Variants in CHSY3 observed in about 807,000 individuals in gnomAD.
CHSY3 encodes N-acetylgalactosaminyl-proteoglycan 3-beta-glucuronosyltransferase 3.
Under a neutral mutation model 67.2 loss-of-function variants are expected in CHSY3, and 35 were observed. That is an observed-to-expected ratio of 0.52 (90% CI 0.40 to 0.69). The LOEUF (loss-of-function observed/expected upper bound fraction) is 0.69. Ranked by LOEUF, CHSY3 falls within the 30% of genes least tolerant of loss-of-function variation. CHSY3 has a pLI of 0.00. For synonymous variants in CHSY3, 474 were observed against 434.7 expected (o/e 1.09, Z -1.12); for missense variants, 1,069 against 1,138.5 (o/e 0.94, Z 0.88).
intron 2 of CHSY3, among the ~76,000 whole-genome samples, chr5:130,167,969 C>G (rs75559100): frequency 0.04 from 6,061 of 152,106 alleles, 341 homozygotes; most frequent in East Asian, 0.25. Flanking sequence ...AAAACCAAAC[C>G]TGTGACTCCA....
intron 2 of CHSY3, among the ~76,000 whole-genome samples, chr5:130,054,035 T>C (rs910970278): frequency 1.3e-5 from 2 of 152,194 alleles, no homozygotes; most frequent in Non-Finnish European, 2.9e-5. Context: ...TCCTTATGCT[T>C]TATTTTCTTA....
intron 2 of CHSY3, among the ~76,000 whole-genome samples, chr5:129,913,380 A>G (rs1760631967): frequency 6.6e-6 from 1 of 152,240 alleles, no homozygotes; most frequent in Admixed American, 6.5e-5. Context: ...CATATTTAAA[A>G]TACTTTAATT....
intron 2 of CHSY3, among the ~76,000 whole-genome samples, chr5:130,056,802 A>G (rs1157809466): frequency 1.3e-5 from 2 of 152,228 alleles, no homozygotes; most frequent in South Asian, 4.1e-4. Context: ...TAGGAATAAT[A>G]AGAGTATCTG....
At chr5:130,057,126 A>G (rs931416304) in intron 2 of CHSY3, among the ~76,000 whole-genome samples, 5 of 151,440 alleles carry the variant, frequency 3.3e-5, no homozygotes, top group Non-Finnish European at 4.4e-5. Flanking sequence ...GGGTTTCACC[A>G]TGTTAGCCAG....
chr5:129,987,156 C>T (rs1051508956), intron 2 of CHSY3, among the ~76,000 whole-genome samples: 2 of 151,976 alleles, frequency 1.3e-5, no homozygotes, highest in Non-Finnish European at 2.9e-5. Flanking sequence ...AAATAGAGAA[C>T]AGAGAAAACA....
In CHSY3 at chr5:129,905,243, C is replaced by T. The variant is rs1023297292; in HGVS notation, c.414C>T (p.Asp138=). 4.8e-6 allele frequency: 7 copies of T among 1,464,356 alleles called. No homozygotes were observed. The African/African-American group carries it at 1.0e-4, about 21-fold the overall frequency. 90.7% of individuals were successfully genotyped at this position (1,464,356 alleles called of 1,614,324 possible). A position where few individuals can be genotyped will look rare whatever the true frequency, so the allele number is the denominator to read the frequency against. The change falls in exon 1 of 3, where the codon GAC becomes GAT. Residue 138 remains aspartate (D), a synonymous_variant. Coordinates refer to ENST00000305031, the MANE Select transcript of CHSY3 (RefSeq NM_175856.5). ...CCGAGGGGGAGCCCGAGGAGGAGGA[C>T]GGGGGCGCGGCTGGGCAGCGGAGAG... ...PAAEGEPEEE[D]GGAAGQRRDG... is the part of the protein sequence containing the mutation.
rs906966779 is a variant in CHSY3 at position 129,905,809 on chromosome 5, C to T, written c.802+178C>T. On this transcript the variant is annotated intron_variant, in intron 1 of 2. Transcript: ENST00000305031. ...ATCCGCCCACAATTCGTAGCCCGTTCCTCGTCTTCTGCAATCTGGACCCTC... is the reference window on the plus strand; with the variant it reads ...ATCCGCCCACAATTCGTAGCCCGTTTCTCGTCTTCTGCAATCTGGACCCTC... 17 of 1,331,820 alleles carry T rather than the reference C, an allele frequency of 1.3e-5. No individual in the cohort carries two copies. In the South Asian group the frequency reaches 1.8e-4, roughly 14 times the overall value. The allele number at this position is 1,331,820 out of a possible 1,614,324, so 82.5% of individuals were successfully genotyped here.
At chr5:130,090,086 A>G (rs553953974) in intron 2 of CHSY3, among the ~76,000 whole-genome samples, 20 of 152,236 alleles carry the variant, frequency 1.3e-4, no homozygotes, top group Non-Finnish European at 2.5e-4. Context: ...TCCAGGTACT[A>G]ATACCAAAAC....
intron 2 of CHSY3, among the ~76,000 whole-genome samples, chr5:129,909,620 A>G (rs193047588): frequency 6.6e-6 from 1 of 152,018 alleles, no homozygotes; most frequent in Non-Finnish European, 1.5e-5. Context: ...TGTAAAAACT[A>G]TCCTACAACT....
chr5:129,919,113 CAAAAAAA>C (rs35333880), intron 2 of CHSY3, among the ~76,000 whole-genome samples: 1 of 73,422 alleles, frequency 1.4e-5, no homozygotes, highest in African/African-American at 5.7e-5. Context: ...GACTCCGTCT[CAAAAAAA>C]AAAAAAAAAA....
chr5:130,178,211 ATGTATATATTTATATT>A (rs1770117337), intron 2 of CHSY3, among the ~76,000 whole-genome samples: 3 of 114,416 alleles, frequency 2.6e-5, no homozygotes, highest in African/African-American at 9.9e-5. Context: ...TTATATATAT[ATGTATATATTTATATT>A]TATATATATA....
rs201240668 is a variant in CHSY3 at position 130,185,517 on chromosome 5, G to A, written c.2375G>A (p.Gly792Asp). 6.2e-6 allele frequency: 10 copies of A among 1,614,158 alleles called. No homozygotes were observed. The highest frequency in any genetic ancestry group is 1.3e-5 in the African/African-American group (1 of 75,034). The change falls in exon 3 of 3, where the codon GGT (glycine) becomes GAT (aspartate). Residue 792 changes from glycine (G) to aspartate (D), a missense_variant. Around this residue, in one of 5 missense-constraint regions of CHSY3, gnomAD observed 139 missense variants for 152.8 expected, o/e 0.91. Coordinates refer to ENST00000305031, the MANE Select transcript of CHSY3 (RefSeq NM_175856.5). Reference sequence around the variant, plus strand: ...TGTATTTACAAAAGTGATCTTCTAGGTGCAGGTGGATTTGATACCTCAATA... The same window carrying A: ...TGTATTTACAAAAGTGATCTTCTAGATGCAGGTGGATTTGATACCTCAATA... ...ITCIYKSDLL[G>D]AGGFDTSIQG...
At chr5:130,116,807 A>AAG (rs1767820713) in intron 2 of CHSY3, among the ~76,000 whole-genome samples, 1 of 152,170 alleles carries the variant, frequency 6.6e-6, no homozygotes, top group South Asian at 2.1e-4. Context: ...GCAGTGTAGT[A>AAG]AGAGACTTGA....
chr5:129,942,604 C>T (rs1761731353), intron 2 of CHSY3, among the ~76,000 whole-genome samples: 2 of 152,104 alleles, frequency 1.3e-5, no homozygotes, highest in African/African-American at 4.8e-5. Flanking sequence ...TTCATTTTTA[C>T]AATAGCCTGA....
intron 2 of CHSY3, among the ~76,000 whole-genome samples, chr5:130,020,422 A>AATATATATAT (rs1174657766): frequency 1.9e-3 from 63 of 33,302 alleles, no homozygotes; most frequent in Non-Finnish European, 2.5e-3. Flanking sequence ...TTCATCTCAA[A>AATATATATAT]ATATATATAT....
intron 2 of CHSY3, among the ~76,000 whole-genome samples, chr5:130,072,606 C>A (rs991723295): frequency 1.3e-5 from 2 of 152,012 alleles, no homozygotes; most frequent in Admixed American, 1.3e-4. Context: ...ATGCCTCCAG[C>A]TTTGTTATTT....
intron 2 of CHSY3, among the ~76,000 whole-genome samples, chr5:129,921,120 G>A (rs975100017): frequency 6.6e-5 from 10 of 152,228 alleles, no homozygotes; most frequent in South Asian, 4.1e-4. Context: ...GTGCATAGCC[G>A]ATTTTTTTTC....
At chr5:130,123,861 T>C (rs1395445673) in intron 2 of CHSY3, among the ~76,000 whole-genome samples, 1 of 151,566 alleles carries the variant, frequency 6.6e-6, no homozygotes, top group Non-Finnish European at 1.5e-5. Flanking sequence ...ATCAAGACCA[T>C]CCTGGCTAAC....
In CHSY3 at chr5:129,905,404, A is replaced by G. The variant is rs769503646; in HGVS notation, c.575A>G (p.Gln192Arg). 3 of 1,607,918 alleles carry G rather than the reference A, an allele frequency of 1.9e-6. No homozygotes were observed. Among genetic ancestry groups the G allele is most frequent in the Non-Finnish European group, 2.5e-6 (3 of 1,178,410 alleles). Residue 192 changes from glutamine (Q) to arginine (R), a missense_variant, in exon 1 of 3, where the codon CAG becomes CGG. Transcript: ENST00000305031. ...CTGGGCAGCCGCGCGCTGGCCGCGC[A>G]GCGGACCTGGGCGCGTTTCATCCCG... Reference protein sequence around the residue: ...KYLGSRALAAQRTWARFIPGR... With the variant: ...KYLGSRALAARRTWARFIPGR...
Sources: allele counts gnomAD v4.1 joint callset (sites outside exome capture counted in the v4.1 genomes callset), GRCh38; gene constraint gnomAD v4.1.1; regional missense constraint gnomAD v4.1.1; transcripts MANE v1.5; gene names NCBI Gene and HGNC (gene_info 2026-07-23, HGNC 2026-07-21).